Variants in MED15 observed in about 807,000 individuals in gnomAD.
MED15 encodes mediator complex subunit 15.
Under a neutral mutation model 118.7 loss-of-function variants are expected in MED15, and 41 were observed. That is an observed-to-expected ratio of 0.35 (90% CI 0.27 to 0.45). MED15 has a LOEUF of 0.45. Ranked by LOEUF, MED15 falls within the 20% of genes least tolerant of loss-of-function variation. The pLI is 1.00. For synonymous variants in MED15, 436 were observed against 413.9 expected, an observed-to-expected ratio of 1.05 and a Z score of -0.65; for missense variants, 740 against 1,025.5, an observed-to-expected ratio of 0.72 and a Z score of 3.80.
rs574388797 is a variant in MED15 at position 20,587,515 on chromosome 22, G to A, written c.*811G>A. The stretch of plus-strand genomic sequence containing the variant: ...CAGGGAGCGCCTCCCTATGTTGCCT[G>A]CCACTCTGGGCACCGGCCAGCACCC... On this transcript the variant is annotated 3_prime_UTR_variant, in exon 18 of 18. Coordinates refer to ENST00000263205, the MANE Select transcript of MED15 (RefSeq NM_001003891.3). 1.5e-4 allele frequency: 42 copies of A among 272,840 alleles called. No homozygotes were observed. The highest frequency in any genetic ancestry group is 8.2e-4 in the South Asian group (10 of 12,166). The allele number at this position is 272,840 out of a possible 1,614,324, so 16.9% of individuals were successfully genotyped here. A position where few individuals can be genotyped will look rare whatever the true frequency, so the allele number is the denominator to read the frequency against.
chr22:20,563,538 G>A (rs1463699793), intron 5 of MED15, among the ~76,000 whole-genome samples: 1 of 152,224 alleles, frequency 6.6e-6, no homozygotes, highest in East Asian at 1.9e-4. Context: ...GAGAGAGGTG[G>A]CAACACGAGG....
intron 5 of MED15, among the ~76,000 whole-genome samples, chr22:20,560,760 A>C (rs2056205840): frequency 1.3e-5 from 2 of 152,166 alleles, no homozygotes; most frequent in Admixed American, 1.3e-4. Context: ...CAGTGTGTGG[A>C]GTAGGTACTA....
chr22:20,517,103 A>AT (rs397867953), intron 1 of MED15, among the ~76,000 whole-genome samples: 14,377 of 141,374 alleles, frequency 0.1, 984 homozygotes, highest in East Asian at 0.39. Flanking sequence ...TAATTTTCTT[A>AT]TTTTTTTTTT....
At chr22:20,558,638 A>G (rs1365304354) in intron 5 of MED15, among the ~76,000 whole-genome samples, 1 of 152,122 alleles carries the variant, frequency 6.6e-6, no homozygotes, top group Admixed American at 6.5e-5. Flanking sequence ...GCACTTTGGA[A>G]TGCTGGCCTG....
chr22:20,510,439 G>A (rs1037626830), intron 1 of MED15, among the ~76,000 whole-genome samples: 1 of 152,214 alleles, frequency 6.6e-6, no homozygotes, highest in Non-Finnish European at 1.5e-5. Flanking sequence ...CTGTAGGTCA[G>A]AGGTCCAAGT....
At chr22:20,586,535 C>T (rs148327276) in intron 17 of MED15, 33 bp from the exon 18 acceptor site, 35,299 of 1,603,498 alleles carry the variant, frequency 0.022, 501 homozygotes, top group South Asian at 0.033. Flanking sequence ...CAGCGCCGGC[C>T]GCCTTAGGTT....
At chr22:20,544,938 C>G (rs1354221591) in intron 2 of MED15, among the ~76,000 whole-genome samples, 1 of 152,210 alleles carries the variant, frequency 6.6e-6, no homozygotes, top group Non-Finnish European at 1.5e-5. Context: ...TTCTGCCTCC[C>G]TCTTAGGAGG....
At chr22:20,546,318 C>G (rs1033779648) in intron 2 of MED15, among the ~76,000 whole-genome samples, 11 of 152,080 alleles carry the variant, frequency 7.2e-5, no homozygotes, top group African/African-American at 2.7e-4. Flanking sequence ...AAAAATATAT[C>G]CGAAGTATTG....
chr22:20,583,154 G>C lies in MED15; in HGVS notation c.1579G>C (p.Ala527Pro). 1 of 1,608,450 alleles carries C rather than the reference G, an allele frequency of 6.2e-7. No individual in the cohort carries two copies. The highest frequency in any genetic ancestry group is 8.5e-7 in the Non-Finnish European group (1 of 1,177,776). Reference sequence around the variant, plus strand: ...CATGAGCCCAGCTGGCTCCAGCCAGGCTGAGGAGCAGCAGTACCTGGACAA... The same window carrying C: ...CATGAGCCCAGCTGGCTCCAGCCAGCCTGAGGAGCAGCAGTACCTGGACAA... ...SVMSPAGSSQ[A>P]EEQQYLDKLK... Residue 527 changes from alanine (A) to proline (P), a missense_variant, in exon 12 of 18, where the codon GCT becomes CCT. Transcript: ENST00000263205.
In MED15 at chr22:20,585,182, G is replaced by T; in HGVS notation, c.2046G>T (p.Val682=). 1 of 1,613,812 alleles carries T rather than the reference G, an allele frequency of 6.2e-7. No individual in the cohort carries two copies. The highest frequency in any genetic ancestry group is 8.5e-7 in the Non-Finnish European group (1 of 1,180,020). ...QSIPSVLQGE[V]ARLDPKFLVN... ...TCCCCAGTGTGCTCCAGGGTGAGGT[G>T]GCCAGGCTGGACCCCAAGTTCCTGG... The change falls in exon 16 of 18, where the codon GTG becomes GTT. Residue 682 remains valine, a synonymous_variant. Coordinates refer to ENST00000263205, the MANE Select transcript of MED15 (RefSeq NM_001003891.3).
rs146696139 is a variant in MED15 at position 20,574,939 on chromosome 22, G to A, written c.1153-174G>A. 1,106 of 785,218 alleles carry A rather than the reference G, an allele frequency of 1.4e-3. 1 individual carries two copies. Among genetic ancestry groups the A allele is most frequent in the Non-Finnish European group, 2.1e-3 (1,017 of 477,342 alleles). 48.6% of individuals were successfully genotyped at this position (785,218 alleles called of 1,614,324 possible). On this transcript the variant is annotated intron_variant, in intron 8 of 17. Transcript: ENST00000263205. The stretch of plus-strand genomic sequence containing the variant: ...TCCCAATGCCCAGACAGACCTGGAG[G>A]TGCTGTGGGCTTGAACATGTGGGTG...
chr22:20,570,610 C>T (rs1406255825), intron 8 of MED15, among the ~76,000 whole-genome samples: 1 of 151,178 alleles, frequency 6.6e-6, no homozygotes, highest in Non-Finnish European at 1.5e-5. Context: ...CAGGCTGGTT[C>T]GAACTCCTGA....
rs1474096096 is a variant in MED15 at position 20,586,894 on chromosome 22, G to A, written c.*190G>A. 11 of 890,314 alleles carry A rather than the reference G, an allele frequency of 1.2e-5. No homozygotes were observed. In the East Asian group the frequency reaches 1.6e-4, roughly 13 times the overall value. The allele number at this position is 890,314 out of a possible 1,614,324, so 55.2% of individuals were successfully genotyped here. A position where few individuals can be genotyped will look rare whatever the true frequency, so the allele number is the denominator to read the frequency against. ...AGAACTGGGATAGGCGCAGTGGAGC[G>A]GGTTGCTTGGGGGGCGTTGGCCGAC... On this transcript the variant is annotated 3_prime_UTR_variant, in exon 18 of 18. Transcript: ENST00000263205.
At chr22:20,578,735 C>T (rs1392601984) in intron 9 of MED15, among the ~76,000 whole-genome samples, 1 of 152,250 alleles carries the variant, frequency 6.6e-6, no homozygotes, top group Non-Finnish European at 1.5e-5. Flanking sequence ...GCCACTGTCC[C>T]TCCAGCCACT....
intron 1 of MED15, among the ~76,000 whole-genome samples, chr22:20,521,530 C>A (rs965110332): frequency 3.3e-4 from 50 of 149,314 alleles, no homozygotes; most frequent in African/African-American, 1.2e-3. Flanking sequence ...ACTACAGGCG[C>A]CCATCACCAC....
At chr22:20,555,354 C>T (rs73159105) in intron 5 of MED15, among the ~76,000 whole-genome samples, 17,168 of 151,240 alleles carry the variant, frequency 0.11, 1,294 homozygotes, top group Non-Finnish European at 0.15. Flanking sequence ...ATGCTGGGCC[C>T]TCCTCCTCCT....
At chr22:20,583,631 A>G (rs2057053048) in intron 13 of MED15, 1 of 536,362 alleles carries the variant, frequency 1.9e-6, no homozygotes, top group Non-Finnish European at 3.4e-6. Context: ...ATGCTGGGCC[A>G]TCACAGCCAG....
At chr22:20,576,204 T>C (rs1361887304) in intron 9 of MED15, among the ~76,000 whole-genome samples, 1 of 152,258 alleles carries the variant, frequency 6.6e-6, no homozygotes, top group African/African-American at 2.4e-5. Flanking sequence ...CTTTCCATTT[T>C]AGTGGGTTTG....
chr22:20,578,864 C>T (rs1233718849), intron 9 of MED15, among the ~76,000 whole-genome samples: 3 of 152,228 alleles, frequency 2.0e-5, no homozygotes, highest in Non-Finnish European at 4.4e-5. Context: ...AGGGAATGTA[C>T]GTGCCCCATG....
Sources: allele counts gnomAD v4.1 joint callset (sites outside exome capture counted in the v4.1 genomes callset), GRCh38; gene constraint gnomAD v4.1.1; transcripts MANE v1.5; gene names NCBI Gene and HGNC (gene_info 2026-07-23, HGNC 2026-07-21).